MYRFL: variants seen among roughly 807,000 people sequenced by gnomAD.
The protein encoded by MYRFL is myelin regulatory factor-like protein.
In MYRFL, 88 loss-of-function variants were observed where a neutral mutation model predicts 109.4. That is an observed-to-expected ratio of 0.80 (90% CI 0.68 to 0.96). The LOEUF (loss-of-function observed/expected upper bound fraction) is 0.96, where lower values mean the gene tolerates loss of function less well. Ranked by LOEUF, MYRFL falls within the 40% of genes least tolerant of loss-of-function variation. MYRFL has a pLI of 0.00. For synonymous variants in MYRFL, 324 were observed against 320.9 expected (o/e 1.01, Z -0.10); for missense variants, 957 against 954.9 (o/e 1.00, Z -0.03).
At position 69,952,917 on chromosome 12, in the gene MYRFL, G is replaced by A. The variant is rs779692074; in HGVS notation, c.2375+31G>A. ...TAAGCCTCCCCAGCATGCCCTGGTT[G>A]TTTCTGGAATTTACCCATGGCTCTG... is the stretch of plus-strand genomic sequence containing the variant. On this transcript the variant is annotated intron_variant, in intron 21 of 24. Coordinates refer to ENST00000552032, the MANE Select transcript of MYRFL (RefSeq NM_182530.3). 3 of 1,457,710 alleles carry A rather than the reference G, an allele frequency of 2.1e-6. 1 individual carries two copies. In the South Asian group the frequency reaches 3.8e-5, roughly 18 times the overall value. The allele number at this position is 1,457,710 out of a possible 1,614,324, so 90.3% of individuals were successfully genotyped here.
chr12:69,879,559 A>T, intron 4 of MYRFL, 106 bp downstream of exon 4: 1 of 606,196 alleles, frequency 1.6e-6, no homozygotes, highest in Non-Finnish European at 2.9e-6. Flanking sequence ...CCTGTCCAGG[A>T]GATGGCAGTG....
At chr12:69,874,969 A>G (rs1453595499) in intron 2 of MYRFL, among the ~76,000 whole-genome samples, 1 of 151,278 alleles carries the variant, frequency 6.6e-6, no homozygotes, top group African/African-American at 2.4e-5. Context: ...GTATCTTTAA[A>G]GATATAAATG....
At chr12:69,926,806 T>C (rs1310382066) in intron 14 of MYRFL, 72 bp downstream of exon 14, 4 of 1,234,460 alleles carry the variant, frequency 3.2e-6, no homozygotes, top group Non-Finnish European at 4.1e-6. Context: ...ATAAGATCAA[T>C]CTAAATGGTC....
chr12:69,910,158 C>A, intron 12 of MYRFL, 81 bp downstream of exon 12: 1 of 930,858 alleles, frequency 1.1e-6, no homozygotes, highest in Non-Finnish European at 1.6e-6. Flanking sequence ...AGGTTATGTG[C>A]TATGGCATTT....
chr12:69,825,445 A>C lies in MYRFL; in HGVS notation c.-73A>C, dbSNP rs565191980. On this transcript the variant is annotated 5_prime_UTR_variant, in exon 1 of 25. Transcript: ENST00000552032. ...AAGAGCATTCGTAGGCTTCGAATCAAAAGGACAGTACTTATTTCCTGAGGT... is the reference window on the plus strand; with the variant it reads ...AAGAGCATTCGTAGGCTTCGAATCACAAGGACAGTACTTATTTCCTGAGGT... The C allele has an allele frequency of 4.3e-6, 3 of 694,824 alleles. No homozygotes were observed. In the African/African-American group the frequency reaches 5.3e-5, roughly 12 times the overall value. The allele number at this position is 694,824 out of a possible 1,614,324, so 43.0% of individuals were successfully genotyped here.
Position 69,926,734 on chromosome 12 carries a change from G to T in MYRFL, c.1766G>T (p.Ser589Ile). The T allele has an allele frequency of 6.8e-7, 1 of 1,469,154 alleles. No individual in the cohort carries two copies. Among genetic ancestry groups the T allele is most frequent in the Non-Finnish European group, 9.0e-7 (1 of 1,111,090 alleles). The allele number at this position is 1,469,154 out of a possible 1,614,324, so 91.0% of individuals were successfully genotyped here. The change falls in exon 14 of 25, where the codon AGC (serine) becomes ATC (isoleucine). Residue 589 changes from serine to isoleucine, a missense_variant and splice_region_variant. By Grantham distance (142) the Ser-to-Ile change is moderately radical. Transcript: ENST00000552032. ...KSSASEASTI[S>I]KSSRAVSASS... ...TCAGCCAGTGAAGCAAGCACAATCA[G>T]GTACGTGCAGCCAGGATTGCCATAG...
chr12:69,864,966 T>C (rs544632737), intron 2 of MYRFL, among the ~76,000 whole-genome samples: 1 of 152,346 alleles, frequency 6.6e-6, no homozygotes, highest in South Asian at 2.1e-4. Context: ...TATAATCATC[T>C]AGACTACTTT....
intron 13 of MYRFL, among the ~76,000 whole-genome samples, chr12:69,917,966 G>A (rs1954798245): frequency 6.7e-6 from 1 of 149,064 alleles, no homozygotes; most frequent in African/African-American, 2.5e-5. Context: ...AGCTAGGGTA[G>A]AGAGGAAGCT....
At chr12:69,947,119 A>T (rs1352049605) in intron 19 of MYRFL, 1 of 152,244 alleles carries the variant, frequency 6.6e-6, no homozygotes, top group Non-Finnish European at 1.5e-5. Flanking sequence ...AGTCTAGGAA[A>T]GTATTCTTTT....
intron 13 of MYRFL, among the ~76,000 whole-genome samples, chr12:69,923,839 T>C (rs1954986069): frequency 6.6e-6 from 1 of 152,174 alleles, no homozygotes; most frequent in Admixed American, 6.5e-5. Context: ...TTATTTTGCC[T>C]TCTGTTTCTA....
Position 69,880,203 on chromosome 12 carries a change from C to A in MYRFL, c.467C>A (p.Ala156Asp), listed in dbSNP as rs1207859239. The change falls in exon 5 of 25, where the codon GCC (alanine) becomes GAC (aspartate). Residue 156 changes from alanine (A) to aspartate (D), a missense_variant and splice_region_variant. By Grantham distance (126) the Ala-to-Asp change is moderately radical (BLOSUM62 -2). Transcript: ENST00000552032. Reference protein sequence around the residue: ...PQQPLCHSPGASLPPTKKRKC... With the variant: ...PQQPLCHSPGDSLPPTKKRKC... Reference sequence around the variant, plus strand: ...TCGTTTTGGTGTCTTGATTTTAGAGCCTCATTGCCTCCAACCAAGAAGAGA... The same window carrying A: ...TCGTTTTGGTGTCTTGATTTTAGAGACTCATTGCCTCCAACCAAGAAGAGA... The A allele has an allele frequency of 5.7e-6, 4 of 702,460 alleles. No homozygotes were observed. The East Asian group carries it at 8.0e-5, about 14-fold the overall frequency. 43.5% of individuals were successfully genotyped at this position (702,460 alleles called of 1,614,324 possible).
chr12:69,952,952 G>T, intron 21 of MYRFL, 66 bp downstream of exon 21: 1 of 1,029,498 alleles, frequency 9.7e-7, no homozygotes, highest in South Asian at 1.5e-5. Flanking sequence ...GGGTTTTTAA[G>T]ACTGCAGTGG....
chr12:69,855,062 A>G (rs188945863), intron 1 of MYRFL, among the ~76,000 whole-genome samples: 26 of 152,350 alleles, frequency 1.7e-4, no homozygotes, highest in African/African-American at 5.8e-4. Flanking sequence ...TGTTGAACTT[A>G]ACTGGAAATA....
chr12:69,845,912 A>G (rs1265811363), intron 1 of MYRFL, among the ~76,000 whole-genome samples: 1 of 152,046 alleles, frequency 6.6e-6, no homozygotes. Flanking sequence ...GGAGTTGCCA[A>G]AGATAATACC....
Position 69,936,621 on chromosome 12 carries a change from G to A in MYRFL, c.2213G>A (p.Arg738Lys), listed in dbSNP as rs1346145258. The A allele has an allele frequency of 3.3e-6, 5 of 1,525,858 alleles. No individual in the cohort carries two copies. The South Asian group carries it at 6.0e-5, about 18-fold the overall frequency. The allele number at this position is 1,525,858 out of a possible 1,614,324, so 94.5% of individuals were successfully genotyped here. The change falls in exon 19 of 25, where the codon AGG (arginine) becomes AAG (lysine). Residue 738 changes from arginine to lysine, a missense_variant. By Grantham distance (26) the Arg-to-Lys change is conservative (BLOSUM62 2). Transcript: ENST00000552032. Reference protein sequence around the residue: ...RQSEEKEFHQRRWSEDKSKSV... With the variant: ...RQSEEKEFHQKRWSEDKSKSV... ...TCTGAGGAGAAGGAATTCCATCAGA[G>A]GCGATGGTCAGGTAAATGATGTTCA...
At chr12:69,915,005 G>A (rs1954688844) in intron 13 of MYRFL, among the ~76,000 whole-genome samples, 1 of 152,204 alleles carries the variant, frequency 6.6e-6, no homozygotes, top group African/African-American at 2.4e-5. Flanking sequence ...CCTCACTTCT[G>A]AGGATAGACT....
chr12:69,877,670 C>T (rs1257176298), intron 2 of MYRFL, among the ~76,000 whole-genome samples: 2 of 152,170 alleles, frequency 1.3e-5, no homozygotes, highest in Non-Finnish European at 2.9e-5. Flanking sequence ...TGTGTCCTCT[C>T]TTCCCTTATT....
chr12:69,945,635 C>A (rs1360354231), intron 19 of MYRFL, among the ~76,000 whole-genome samples: 2 of 152,068 alleles, frequency 1.3e-5, no homozygotes, highest in South Asian at 4.1e-4. Context: ...GGAAGAATAG[C>A]CCTTATTAAA....
At chr12:69,918,905 G>A (rs1313585546) in intron 13 of MYRFL, among the ~76,000 whole-genome samples, 1 of 152,132 alleles carries the variant, frequency 6.6e-6, no homozygotes, top group Admixed American at 6.5e-5. Context: ...CAGCTTAAGA[G>A]ACTGACAATT....
Sources: allele counts gnomAD v4.1 joint callset (sites outside exome capture counted in the v4.1 genomes callset), GRCh38; gene constraint gnomAD v4.1.1; transcripts MANE v1.5; gene names NCBI Gene and HGNC (gene_info 2026-07-23, HGNC 2026-07-21).